LARS2: variants seen among roughly 807,000 people sequenced by gnomAD.
The protein encoded by LARS2 is leucyl-tRNA synthetase 2, mitochondrial, also known as leucine--tRNA ligase, mitochondrial.
Under a neutral mutation model 116.6 loss-of-function variants are expected in LARS2, and 81 were observed. The ratio of observed to expected loss-of-function variants is 0.69; its 90% CI spans 0.58 to 0.84. The LOEUF (loss-of-function observed/expected upper bound fraction) is 0.84, where lower values mean the gene tolerates loss of function less well. Ranked by LOEUF, LARS2 falls within the 40% of genes least tolerant of loss-of-function variation. The pLI is 0.00. For synonymous variants in LARS2, 396 were observed against 407.2 expected, an observed-to-expected ratio of 0.97 and a Z score of 0.33; for missense variants, 968 against 1,114.5, an observed-to-expected ratio of 0.87 and a Z score of 1.87.
intron 16 of LARS2, among the ~76,000 whole-genome samples, chr3:45,514,168 T>G (rs565226172): frequency 6.6e-6 from 1 of 151,402 alleles, no homozygotes; most frequent in South Asian, 2.1e-4. Context: ...ATCATGCCAC[T>G]GCACTCCAGC....
chr3:45,462,323 C>A (rs1049705972), intron 8 of LARS2, among the ~76,000 whole-genome samples: 3 of 152,016 alleles, frequency 2.0e-5, no homozygotes, highest in Non-Finnish European at 4.4e-5. Context: ...TGGCTCATGC[C>A]TGTAATCTCA....
chr3:45,411,724 C>T (rs1444277205), intron 4 of LARS2, among the ~76,000 whole-genome samples: 2 of 152,178 alleles, frequency 1.3e-5, no homozygotes, highest in East Asian at 3.9e-4. Flanking sequence ...ATTTTAGGTT[C>T]AGGAGTACAT....
intron 15 of LARS2, among the ~76,000 whole-genome samples, chr3:45,512,900 C>A (rs1700310226): frequency 6.6e-6 from 1 of 152,074 alleles, no homozygotes; most frequent in South Asian, 2.1e-4. Context: ...ACCTGTAATC[C>A]CAGTACTTTG....
At chr3:45,436,119 G>A (rs1263142258) in intron 6 of LARS2, among the ~76,000 whole-genome samples, 2 of 152,118 alleles carry the variant, frequency 1.3e-5, no homozygotes, top group African/African-American at 4.8e-5. Context: ...AGAATTTGCA[G>A]GCAGCAAAAC....
chr3:45,523,566 G>T (rs1249838441), intron 19 of LARS2, among the ~76,000 whole-genome samples: 1 of 150,376 alleles, frequency 6.6e-6, no homozygotes, highest in Non-Finnish European at 1.5e-5. Flanking sequence ...TCTCACTGTT[G>T]CCCAAGCTTC....
chr3:45,392,303 T>C (rs1306229363), intron 2 of LARS2, among the ~76,000 whole-genome samples: 2 of 132,918 alleles, frequency 1.5e-5, no homozygotes, highest in Non-Finnish European at 3.1e-5. Context: ...CTTTTTTATC[T>C]TTTTTTTTTT....
chr3:45,509,085 A>T (rs1464252657), intron 15 of LARS2, among the ~76,000 whole-genome samples: 1 of 152,122 alleles, frequency 6.6e-6, no homozygotes, highest in Non-Finnish European at 1.5e-5. Context: ...ATCTACCTCC[A>T]GGGATGTACC....
chr3:45,406,370 G>A (rs1466611138), intron 4 of LARS2, among the ~76,000 whole-genome samples: 1 of 152,190 alleles, frequency 6.6e-6, no homozygotes, highest in Non-Finnish European at 1.5e-5. Flanking sequence ...AGCATTTCAG[G>A]TAGTTCTGAT....
chr3:45,479,539 G>A (rs1699663854), intron 10 of LARS2, among the ~76,000 whole-genome samples: 1 of 152,190 alleles, frequency 6.6e-6, no homozygotes, highest in Admixed American at 6.5e-5. Flanking sequence ...CGATGTTATT[G>A]ACTAAATGTA....
At chr3:45,525,957 G>A (rs1700524511) in intron 20 of LARS2, among the ~76,000 whole-genome samples, 1 of 152,184 alleles carries the variant, frequency 6.6e-6, no homozygotes, top group South Asian at 2.1e-4. Flanking sequence ...AATTTTAAGT[G>A]ACAATGAGGT....
At chr3:45,423,479 C>T (rs1698546721) in intron 6 of LARS2, among the ~76,000 whole-genome samples, 1 of 152,052 alleles carries the variant, frequency 6.6e-6, no homozygotes, top group African/African-American at 2.4e-5. Context: ...CACCCGGCTT[C>T]TTTTTGTATT....
intron 10 of LARS2, among the ~76,000 whole-genome samples, 170 bp from the exon 11 acceptor site, chr3:45,485,522 T>G (rs1351286369): frequency 6.6e-6 from 1 of 152,278 alleles, no homozygotes; most frequent in African/African-American, 2.4e-5. Flanking sequence ...CTTTTGATTA[T>G]TCACTGGTGT....
chr3:45,396,920 G>T (rs976989800), intron 3 of LARS2, among the ~76,000 whole-genome samples: 2 of 152,156 alleles, frequency 1.3e-5, no homozygotes, highest in African/African-American at 4.8e-5. Context: ...ATCCCAGAAG[G>T]CAAAAGAATT....
chr3:45,512,343 A>C (rs1201975467), intron 15 of LARS2, among the ~76,000 whole-genome samples: 63 of 152,228 alleles, frequency 4.1e-4, no homozygotes, highest in Non-Finnish European at 4.4e-5. Flanking sequence ...AAATGCCTCA[A>C]AATTGAATCA....
intron 20 of LARS2, 154 bp from the exon 21 acceptor site, chr3:45,541,675 A>T: frequency 1.1e-6 from 1 of 876,004 alleles, no homozygotes. Context: ...AAACCAGGCC[A>T]AAGTGGTGAG....
intron 8 of LARS2, among the ~76,000 whole-genome samples, chr3:45,469,450 A>G (rs1699484588): frequency 6.6e-6 from 1 of 151,962 alleles, no homozygotes; most frequent in Non-Finnish European, 1.5e-5. Flanking sequence ...GGTTCAAGCG[A>G]TTCTCCTGCC....
intron 21 of LARS2, among the ~76,000 whole-genome samples, chr3:45,542,998 GC>G (rs1199977327): frequency 6.6e-6 from 1 of 152,278 alleles, no homozygotes; most frequent in East Asian, 1.9e-4. Context: ...GGCCAGCCAG[GC>G]CCTGGCCCCT....
chr3:45,399,761 T>G (rs1575228953), intron 3 of LARS2, among the ~76,000 whole-genome samples: 1 of 152,186 alleles, frequency 6.6e-6, no homozygotes, highest in East Asian at 1.9e-4. Flanking sequence ...GGCTGTACTC[T>G]ATTTGTAGTC....
In LARS2 at chr3:45,500,512, G is replaced by A. The variant is rs368663780; in HGVS notation, c.1693G>A (p.Val565Ile). 25 of 1,591,868 alleles carry A rather than the reference G, an allele frequency of 1.6e-5. No individual in the cohort carries two copies. Among genetic ancestry groups the A allele is most frequent in the Admixed American group, 7.2e-5 (4 of 55,304 alleles). Residue 565 changes from valine to isoleucine, a missense_variant, in exon 15 of 22, where the codon GTC (valine) becomes ATC (isoleucine). Val to Ile is a conservative substitution (Grantham distance 29, BLOSUM62 3). Transcript: ENST00000645846. ...DLYIGGKEHA[V>I]MHLFYARFFS... ...GTACATTGGAGGGAAAGAACATGCC[G>A]TCATGCACTTGTTCTATGCAAGATT... is the stretch of plus-strand genomic sequence containing the variant.
Sources: gnomAD v4.1 joint callset for allele counts (sites outside exome capture counted in the v4.1 genomes callset) on GRCh38, gnomAD v4.1.1 for gene constraint, MANE v1.5 for transcripts, NCBI Gene and HGNC (gene_info 2026-07-23, HGNC 2026-07-21) for gene names.